Variants in ZNF385D observed in about 807,000 individuals in gnomAD.
ZNF385D encodes zinc finger protein 385D.
Under a neutral mutation model 35.8 loss-of-function variants are expected in ZNF385D, and 15 were observed. The observed-to-expected ratio is 0.42, with a 90% CI of 0.28 to 0.64. The LOEUF is 0.64. Ranked by LOEUF, ZNF385D falls within the 30% of genes least tolerant of loss-of-function variation. The pLI, the probability that ZNF385D is intolerant of heterozygous loss-of-function variation, is 0.23. For missense variants in ZNF385D, 474 were observed against 494.6 expected (o/e 0.96, Z 0.39); for synonymous variants, 212 against 186.8 (o/e 1.13, Z -1.10).
chr3:21,990,648 G>T (rs1576100794), intron 3 of ZNF385D, among the ~76,000 whole-genome samples: 1 of 152,158 alleles, frequency 6.6e-6, no homozygotes, highest in South Asian at 2.1e-4. Flanking sequence ...AGGGATACTA[G>T]AATATATAAA....
chr3:21,989,131 G>A (rs557090570), intron 3 of ZNF385D, among the ~76,000 whole-genome samples: 1 of 152,258 alleles, frequency 6.6e-6, no homozygotes, highest in African/African-American at 2.4e-5. Flanking sequence ...GCTCACGCTG[G>A]GAGCTGTAGA....
intron 3 of ZNF385D, among the ~76,000 whole-genome samples, chr3:21,772,331 G>A (rs543308029): frequency 3.7e-4 from 56 of 151,944 alleles, no homozygotes; most frequent in African/African-American, 1.3e-3. Context: ...TCAAGTATCT[G>A]ATAACAGATT....
At chr3:22,066,886 G>A (rs1031402700) in intron 3 of ZNF385D, among the ~76,000 whole-genome samples, 1 of 152,048 alleles carries the variant, frequency 6.6e-6, no homozygotes, top group Non-Finnish European at 1.5e-5. Context: ...TTTTACCTAC[G>A]CTGAATGCTT....
intron 3 of ZNF385D, among the ~76,000 whole-genome samples, chr3:22,000,029 G>A (rs1385468996): frequency 6.6e-6 from 1 of 152,148 alleles, no homozygotes; most frequent in Non-Finnish European, 1.5e-5. Flanking sequence ...ATCTAGGCCG[G>A]GCATGGTGGC....
intron 3 of ZNF385D, among the ~76,000 whole-genome samples, chr3:21,834,859 CT>C (rs1286018165): frequency 1.3e-5 from 2 of 152,068 alleles, no homozygotes; most frequent in Admixed American, 1.3e-4. Context: ...GTACTTCCCC[CT>C]TGTGAAGAAG....
At chr3:22,180,638 A>C (rs1695177756) in intron 2 of ZNF385D, among the ~76,000 whole-genome samples, 1 of 152,214 alleles carries the variant, frequency 6.6e-6, no homozygotes. Context: ...AACATATGCA[A>C]ATCAATAAGC....
At chr3:22,201,355 T>G (rs1696786157) in intron 2 of ZNF385D, among the ~76,000 whole-genome samples, 1 of 152,126 alleles carries the variant, frequency 6.6e-6, no homozygotes, top group Non-Finnish European at 1.5e-5. Flanking sequence ...GTTTTCCACT[T>G]CTGTAACCAT....
intron 2 of ZNF385D, among the ~76,000 whole-genome samples, chr3:22,196,786 T>C (rs924956896): frequency 6.6e-6 from 1 of 152,068 alleles, no homozygotes; most frequent in Admixed American, 6.6e-5. Context: ...TTAGTTTTAC[T>C]ACACATTCAC....
At position 22,110,821 on chromosome 3, in the gene ZNF385D, A is replaced by G. The variant is rs563678927; in HGVS notation, c.325+57996T>C. ...AAAAGAAAAAAATGTCAAGGAAACT[A>G]TAAGTACAGTGTGATGTGTGAGGTG... is the stretch of plus-strand genomic sequence containing the variant. On this transcript the variant is annotated intron_variant, in intron 3 of 5. Transcript: ENST00000494108. Among the ~76,000 whole-genome samples the G allele has an allele frequency of 4.1e-3, 628 of 152,144 alleles. 2 individuals carry two copies. The highest frequency in any genetic ancestry group is 5.3e-3 in the Non-Finnish European group (360 of 67,990).
intron 2 of ZNF385D, among the ~76,000 whole-genome samples, chr3:21,645,144 A>C (rs1310745107): frequency 6.6e-6 from 1 of 152,218 alleles, no homozygotes; most frequent in African/African-American, 2.4e-5. Context: ...TGATTTCAAA[A>C]TCATATACTA....
intron 2 of ZNF385D, chr3:22,169,131 A>G (rs1576437051): frequency 2.1e-6 from 1 of 477,832 alleles, no homozygotes; most frequent in South Asian, 9.0e-5. Flanking sequence ...TGTTCTACAC[A>G]CAAGAATTAA....
chr3:22,210,276 T>C (rs1165264393), intron 2 of ZNF385D, among the ~76,000 whole-genome samples: 1 of 151,904 alleles, frequency 6.6e-6, no homozygotes, highest in Admixed American at 6.6e-5. Context: ...ACATAACTAA[T>C]GTCTCAACAG....
chr3:21,601,868 G>A (rs2064300663), intron 2 of ZNF385D, among the ~76,000 whole-genome samples: 1 of 152,154 alleles, frequency 6.6e-6, no homozygotes, highest in South Asian at 2.1e-4. Flanking sequence ...GTCTCCAACT[G>A]GAGCACTTTC....
intron 3 of ZNF385D, among the ~76,000 whole-genome samples, chr3:22,025,920 C>A (rs1233788707): frequency 3.9e-5 from 6 of 152,116 alleles, no homozygotes; most frequent in Admixed American, 3.3e-4. Flanking sequence ...AATGTAAATA[C>A]TATATGAATA....
chr3:21,548,313 T>C (rs776246916), intron 3 of ZNF385D, among the ~76,000 whole-genome samples: 4 of 152,208 alleles, frequency 2.6e-5, no homozygotes, highest in African/African-American at 4.8e-5. Flanking sequence ...AAAATGTTTC[T>C]GGTTTTGAGT....
chr3:21,856,272 C>A (rs959003225), intron 3 of ZNF385D, among the ~76,000 whole-genome samples: 10 of 141,140 alleles, frequency 7.1e-5, no homozygotes, highest in African/African-American at 1.3e-4. Context: ...AGTGCAGACA[C>A]TGGAATGTCC....
At chr3:21,861,368 C>A (rs778884870) in intron 3 of ZNF385D, among the ~76,000 whole-genome samples, 21 of 152,144 alleles carry the variant, frequency 1.4e-4, no homozygotes, top group Non-Finnish European at 2.8e-4. Context: ...TGCTCATAAA[C>A]ATGCATTTAT....
At chr3:22,060,000 G>C (rs1430667481) in intron 3 of ZNF385D, among the ~76,000 whole-genome samples, 1 of 152,182 alleles carries the variant, frequency 6.6e-6, no homozygotes, top group African/African-American at 2.4e-5. Context: ...CACTGGAGCT[G>C]AGACATCTAC....
intron 4 of ZNF385D, among the ~76,000 whole-genome samples, chr3:21,484,475 C>T (rs960900578): frequency 1.3e-5 from 2 of 152,168 alleles, no homozygotes; most frequent in Admixed American, 1.3e-4. Flanking sequence ...AGAAGACAGA[C>T]CTCTTCCTCC....
Sources: allele counts gnomAD v4.1 joint callset (sites outside exome capture counted in the v4.1 genomes callset), GRCh38; gene constraint gnomAD v4.1.1; transcripts MANE v1.5; gene names NCBI Gene and HGNC (gene_info 2026-07-23, HGNC 2026-07-21).